Variants in CHN2 observed in about 807,000 individuals in gnomAD.
CHN2 encodes the protein chimerin 2.
Under a neutral mutation model 56.3 loss-of-function variants are expected in CHN2, and 35 were observed. That is an observed-to-expected ratio of 0.62 (90% confidence interval 0.47 to 0.82). The LOEUF (loss-of-function observed/expected upper bound fraction) is 0.82, where lower values mean the gene tolerates loss of function less well. Among genes scored for constraint, CHN2 ranks in the 40% least tolerant of loss-of-function variants. The pLI, the probability that CHN2 is intolerant of heterozygous loss-of-function variation, is 0.00. For missense variants in CHN2, 491 were observed against 580.5 expected (o/e 0.85, Z 1.58); for synonymous variants, 210 against 212.8 (o/e 0.99, Z 0.12).
chr7:29,165,487 G>A (rs1795794732), intron 2 of CHN2, among the ~76,000 whole-genome samples: 1 of 152,066 alleles, frequency 6.6e-6, no homozygotes, highest in South Asian at 2.1e-4. Flanking sequence ...CCACAGTCAT[G>A]TTGTCTGTTA....
intron 1 of CHN2, 103 bp from the exon 2 acceptor site, chr7:29,354,522 C>A: frequency 1.0e-6 from 1 of 981,680 alleles, no homozygotes; most frequent in Non-Finnish European, 1.6e-6. Flanking sequence ...CTGAGACCCG[C>A]ATGCAAGTAC....
chr7:29,345,698 T>C (rs1167333305), intron 1 of CHN2, among the ~76,000 whole-genome samples: 2 of 152,076 alleles, frequency 1.3e-5, no homozygotes, highest in Non-Finnish European at 2.9e-5. Flanking sequence ...GAGGACTGGC[T>C]CGTTGCATTT....
chr7:29,275,079 C>G (rs544648825), intron 1 of CHN2, among the ~76,000 whole-genome samples: 45 of 152,254 alleles, frequency 3.0e-4, no homozygotes, highest in African/African-American at 1.1e-3. Flanking sequence ...CTCTCTGCCC[C>G]CTGTGATCTT....
At chr7:29,363,852 C>A (rs1297546820) in intron 2 of CHN2, among the ~76,000 whole-genome samples, 1 of 152,086 alleles carries the variant, frequency 6.6e-6, no homozygotes, top group Non-Finnish European at 1.5e-5. Context: ...GGAACAGTAA[C>A]TGCAAAAGCC....
intron 1 of CHN2, among the ~76,000 whole-genome samples, chr7:29,248,186 T>C (rs539412509): frequency 1.3e-5 from 2 of 152,318 alleles, no homozygotes; most frequent in Admixed American, 6.5e-5. Flanking sequence ...GGCCAGAGCG[T>C]CTGGAGAGAA....
At chr7:29,486,453 T>C (rs1036815041) in intron 7 of CHN2, among the ~76,000 whole-genome samples, 3 of 152,100 alleles carry the variant, frequency 2.0e-5, no homozygotes, top group African/African-American at 7.2e-5. Context: ...CCTATCAGGA[T>C]GTGTCGGGCC....
intron 6 of CHN2, among the ~76,000 whole-genome samples, chr7:29,461,801 T>C (rs1785176566): frequency 6.6e-6 from 1 of 150,746 alleles, no homozygotes; most frequent in Non-Finnish European, 1.5e-5. Context: ...GTTTGTTGGT[T>C]AACTGGTTGG....
intron 3 of CHN2, among the ~76,000 whole-genome samples, chr7:29,378,916 G>T (rs1052615598): frequency 2.0e-5 from 3 of 152,208 alleles, no homozygotes; most frequent in African/African-American, 7.2e-5. Context: ...AGTGAGCCGA[G>T]ATCGCACCAC....
intron 1 of CHN2, among the ~76,000 whole-genome samples, chr7:29,218,825 G>A (rs1785547229): frequency 8.3e-6 from 1 of 120,348 alleles, no homozygotes; most frequent in South Asian, 2.9e-4. Flanking sequence ...AGAGGAGAGG[G>A]ATAGCATTAG....
At chr7:29,414,252 G>A (rs908876088) in intron 6 of CHN2, among the ~76,000 whole-genome samples, 1 of 152,248 alleles carries the variant, frequency 6.6e-6, no homozygotes, top group East Asian at 1.9e-4. Flanking sequence ...CTCTCTCTCA[G>A]TGTAGCTTTG....
chr7:29,468,087 A>G (rs1785689112), intron 6 of CHN2, among the ~76,000 whole-genome samples: 1 of 134,066 alleles, frequency 7.5e-6, no homozygotes, highest in Non-Finnish European at 1.6e-5. Flanking sequence ...ATCTCAGGGG[A>G]TTTTCAGCTC....
intron 6 of CHN2, among the ~76,000 whole-genome samples, chr7:29,474,373 C>G (rs751443364): frequency 6.6e-6 from 1 of 152,172 alleles, no homozygotes; most frequent in Non-Finnish European, 1.5e-5. Flanking sequence ...CTATCTAGAT[C>G]TTAGTCTGAA....
chr7:29,511,997 G>A (rs1239238183), intron 12 of CHN2, among the ~76,000 whole-genome samples: 2 of 151,902 alleles, frequency 1.3e-5, no homozygotes, highest in African/African-American at 4.8e-5. Flanking sequence ...TCCAACTGCC[G>A]TCCAGTCTGG....
chr7:29,276,369 A>G (rs1196929824), intron 1 of CHN2, among the ~76,000 whole-genome samples: 3 of 152,188 alleles, frequency 2.0e-5, no homozygotes, highest in Non-Finnish European at 4.4e-5. Flanking sequence ...AGGCTGTCCC[A>G]TGGGGCCTGG....
chr7:29,224,889 A>G lies in CHN2; in HGVS notation c.49+29899A>G, dbSNP rs546313159. ...TCTCATTGTTCTTTACCTTAGTAGA[A>G]AGGAATGGAGAGAATGATTCATAAT... On this transcript the variant is annotated intron_variant, in intron 1 of 12. Transcript: ENST00000222792. Among the ~76,000 whole-genome samples the G allele has an allele frequency of 2.0e-5, 3 of 152,336 alleles. No homozygotes were observed. In the East Asian group the frequency reaches 5.8e-4, roughly 29 times the overall value.
At chr7:29,160,958 G>A (rs1206558461) in intron 2 of CHN2, among the ~76,000 whole-genome samples, 1 of 152,106 alleles carries the variant, frequency 6.6e-6, no homozygotes, top group Admixed American at 6.5e-5. Flanking sequence ...TTAAGAACAA[G>A]TGTCATTTTC....
intron 2 of CHN2, among the ~76,000 whole-genome samples, chr7:29,164,276 C>T (rs1457616660): frequency 6.6e-6 from 1 of 151,978 alleles, no homozygotes; most frequent in African/African-American, 2.4e-5. Context: ...TGCTTATTTC[C>T]TGTTTGTACA....
At chr7:29,232,564 A>G (rs192756863) in intron 1 of CHN2, among the ~76,000 whole-genome samples, 150 of 152,356 alleles carry the variant, frequency 9.8e-4, no homozygotes, top group Non-Finnish European at 1.5e-3. Flanking sequence ...TGAATTTTGC[A>G]GATTTAATTT....
chr7:29,351,928 T>C (rs1797914751), intron 1 of CHN2, among the ~76,000 whole-genome samples: 1 of 152,166 alleles, frequency 6.6e-6, no homozygotes, highest in South Asian at 2.1e-4. Context: ...CTAGGTTATG[T>C]TGCCAACAAG....
Sources: allele counts gnomAD v4.1 joint callset (sites outside exome capture counted in the v4.1 genomes callset), GRCh38; gene constraint gnomAD v4.1.1; transcripts MANE v1.5; gene names NCBI Gene and HGNC (gene_info 2026-07-23, HGNC 2026-07-21).